ALMS1: variants seen among roughly 807,000 people sequenced by gnomAD.
ALMS1 encodes the protein ALMS1 centrosome and basal body associated protein, also known as centrosome-associated protein ALMS1.
ALMS1 carries 271 observed loss-of-function variants against 352.2 expected under a neutral mutation model. That is an observed-to-expected ratio of 0.77 (90% CI 0.70 to 0.85). ALMS1 has a LOEUF of 0.85. Ranked by LOEUF, ALMS1 falls within the 40% of genes least tolerant of loss-of-function variation. ALMS1 has a pLI of 0.00. For synonymous variants in ALMS1, 1,865 were observed against 1,761.2 expected (o/e 1.06, Z -1.48); for missense variants, 5,445 against 4,870.7 (o/e 1.12, Z -3.51).
intron 20 of ALMS1, 88 bp downstream of exon 20, chr2:73,602,456 C>T (rs1675720489): frequency 1.3e-6 from 2 of 1,511,914 alleles, no homozygotes; most frequent in Non-Finnish European, 9.1e-7. Context: ...AAGGCCAGCC[C>T]AGGCCAGTTA....
At chr2:73,536,543 T>C (rs1306206099) in intron 12 of ALMS1, among the ~76,000 whole-genome samples, 1 of 151,698 alleles carries the variant, frequency 6.6e-6, no homozygotes, top group African/African-American at 2.4e-5. Flanking sequence ...AAATAATCCT[T>C]TCTTAGACCA....
intron 6 of ALMS1, among the ~76,000 whole-genome samples, chr2:73,430,724 G>A (rs184976793): frequency 2.0e-5 from 3 of 152,186 alleles, no homozygotes; most frequent in Admixed American, 2.0e-4. Flanking sequence ...TTTGTATCCT[G>A]GAAGCAGTAG....
chr2:73,577,898 G>T (rs1319096165), intron 16 of ALMS1, among the ~76,000 whole-genome samples: 1 of 152,146 alleles, frequency 6.6e-6, no homozygotes, highest in East Asian at 1.9e-4. Context: ...GGTCTAGCTG[G>T]TTTATAATGT....
chr2:73,607,287 A>G (rs978051098), intron 21 of ALMS1, among the ~76,000 whole-genome samples: 1 of 152,214 alleles, frequency 6.6e-6, no homozygotes, highest in African/African-American at 2.4e-5. Flanking sequence ...TATACATGAA[A>G]CATACTTGTA....
At chr2:73,421,274 G>T (rs1019551633) in intron 3 of ALMS1, among the ~76,000 whole-genome samples, 1 of 152,128 alleles carries the variant, frequency 6.6e-6, no homozygotes, top group Non-Finnish European at 1.5e-5. Context: ...CCTAGTTAGG[G>T]TTAACTCTAA....
intron 9 of ALMS1, among the ~76,000 whole-genome samples, chr2:73,482,670 T>C (rs1342381943): frequency 6.6e-6 from 1 of 152,238 alleles, no homozygotes; most frequent in African/African-American, 2.4e-5. Flanking sequence ...TTCCTTCTTG[T>C]ACCTCTGGTA....
chr2:73,563,956 G>T (rs974330895), intron 15 of ALMS1, among the ~76,000 whole-genome samples: 1 of 151,804 alleles, frequency 6.6e-6, no homozygotes, highest in African/African-American at 2.4e-5. Flanking sequence ...ATGACAGATC[G>T]TGGAGATGAA....
chr2:73,518,087 G>GTT (rs59981832), intron 10 of ALMS1, among the ~76,000 whole-genome samples: 20 of 143,272 alleles, frequency 1.4e-4, no homozygotes, highest in African/African-American at 2.0e-4. Context: ...GTACCCAGTA[G>GTT]TTTTTTTTTT....
intron 11 of ALMS1, among the ~76,000 whole-genome samples, chr2:73,534,481 A>G (rs1573000698): frequency 6.6e-6 from 1 of 152,148 alleles, no homozygotes; most frequent in Non-Finnish European, 1.5e-5. Context: ...AGTCATCTCA[A>G]TGAAACATAT....
intron 15 of ALMS1, 42 bp from the exon 16 acceptor site, chr2:73,572,220 A>G: frequency 6.6e-7 from 1 of 1,521,872 alleles, no homozygotes; most frequent in Non-Finnish European, 9.0e-7. Flanking sequence ...ACAGAATGCT[A>G]ATTTTTTAAG....
chr2:73,578,339 C>G (rs1487440611), intron 16 of ALMS1, among the ~76,000 whole-genome samples: 1 of 152,182 alleles, frequency 6.6e-6, no homozygotes, highest in Non-Finnish European at 1.5e-5. Flanking sequence ...TCTGCCCTCT[C>G]TGCCTTTTAA....
chr2:73,454,178 A>G, intron 8 of ALMS1, 111 bp downstream of exon 8: 1 of 1,482,008 alleles, frequency 6.7e-7, no homozygotes, highest in Non-Finnish European at 8.9e-7. Flanking sequence ...CAAGATCAAG[A>G]AAAAAAATGA....
In ALMS1 at chr2:73,573,074, ACTT is replaced by A. The variant is rs758818433; in HGVS notation, c.11202_11204del (p.Ser3735del). 1 of 1,614,088 alleles carries A rather than the reference ACTT, an allele frequency of 6.2e-7. No homozygotes were observed. Among genetic ancestry groups the A allele is most frequent in the South Asian group, 1.1e-5 (1 of 91,082 alleles). ...GCCAGGTTTTAATTATATAAGCAAC[ACTT>A]CTTCGGATTGTCGGCCCTCAGAGGA... On this transcript the variant is annotated inframe_deletion, in exon 16 of 23. Coordinates refer to ENST00000613296, the MANE Select transcript of ALMS1 (RefSeq NM_001378454.1).
At chr2:73,404,885 T>A (rs1670941514) in intron 1 of ALMS1, among the ~76,000 whole-genome samples, 1 of 148,710 alleles carries the variant, frequency 6.7e-6, no homozygotes, top group African/African-American at 2.5e-5. Flanking sequence ...CAGTGAAGCT[T>A]TCTTGTCCTG....
chr2:73,407,167 G>A (rs1670988888), intron 1 of ALMS1, among the ~76,000 whole-genome samples: 1 of 152,162 alleles, frequency 6.6e-6, no homozygotes, highest in Admixed American at 6.5e-5. Context: ...CAGGGCACAT[G>A]GTGAGGGGGT....
At chr2:73,504,866 G>A (rs1350562615) in intron 10 of ALMS1, among the ~76,000 whole-genome samples, 1 of 152,026 alleles carries the variant, frequency 6.6e-6, no homozygotes, top group Non-Finnish European at 1.5e-5. Flanking sequence ...TTCTCCTAAT[G>A]TTATCTCTCC....
Position 73,602,303 on chromosome 2 carries a change from C to A in ALMS1, c.12233C>A (p.Ala4078Glu). The A allele has an allele frequency of 6.2e-7, 1 of 1,614,246 alleles. No homozygotes were observed. The change falls in exon 20 of 23, where the codon GCA becomes GAA. Residue 4078 changes from alanine to glutamate, a missense_variant. Coordinates refer to ENST00000613296, the MANE Select transcript of ALMS1 (RefSeq NM_001378454.1). ...AGCATGTTACAGACCGAGCGGGATGCACTATTCAACATTGACAGGGAACGG... is the reference window on the plus strand; with the variant it reads ...AGCATGTTACAGACCGAGCGGGATGAACTATTCAACATTGACAGGGAACGG... Reference protein sequence around the residue: ...LQSMLQTERDALFNIDRERQG... With the variant: ...LQSMLQTERDELFNIDRERQG...
In ALMS1 at chr2:73,559,005, C is replaced by G; in HGVS notation, c.10247C>G (p.Ala3416Gly). 2 of 1,613,974 alleles carry G rather than the reference C, an allele frequency of 1.2e-6. No individual in the cohort carries two copies. Among genetic ancestry groups the G allele is most frequent in the Non-Finnish European group, 1.7e-6 (2 of 1,179,926 alleles). ...GCTGCTGCTGCTGCAGAGCACTCAGCTCAAGTAGGAGACCCAGAAATGAAG... is the reference window on the plus strand; with the variant it reads ...GCTGCTGCTGCTGCAGAGCACTCAGGTCAAGTAGGAGACCCAGAAATGAAG... ...SSAAAAAEHS[A>G]QVGDPEMKNL... The change falls in exon 15 of 23, where the codon GCT (alanine) becomes GGT (glycine). Residue 3416 changes from alanine (A) to glycine (G), a missense_variant. Physicochemically the swap from Ala to Gly is moderately conservative, Grantham distance 60 (BLOSUM62 0). Coordinates refer to ENST00000613296, the MANE Select transcript of ALMS1 (RefSeq NM_001378454.1).
At position 73,575,358 on chromosome 2, in the gene ALMS1, T is replaced by C. The variant is rs140134968; in HGVS notation, c.11547+1934T>C. Reference sequence around the variant, plus strand: ...TCCATAGTACCTGCACTATTTTGCATTCCCATCAGCAGTGTATAAGGGTTC... The same window carrying C: ...TCCATAGTACCTGCACTATTTTGCACTCCCATCAGCAGTGTATAAGGGTTC... On this transcript the variant is annotated intron_variant, in intron 16 of 22. Transcript: ENST00000613296. Among the ~76,000 whole-genome samples the C allele has an allele frequency of 1.1e-3, 167 of 152,316 alleles. 1 individual carries two copies. The highest frequency in any genetic ancestry group is 3.7e-3 in the African/African-American group (154 of 41,582).
Sources: allele counts gnomAD v4.1 joint callset (sites outside exome capture counted in the v4.1 genomes callset), GRCh38; gene constraint gnomAD v4.1.1; transcripts MANE v1.5; gene names NCBI Gene and HGNC (gene_info 2026-07-23, HGNC 2026-07-21).